The following APBB1 variants were observed in gnomAD, a reference collection of about 807,000 sequenced individuals.
APBB1 encodes the protein amyloid beta precursor protein binding family B member 1, also known as adaptor protein FE65a2.
In APBB1, 22 loss-of-function variants were observed where a neutral mutation model predicts 78.4. The observed-to-expected ratio is 0.28, with a 90% CI of 0.20 to 0.40. APBB1 has a LOEUF of 0.40. APBB1 is among the 10% of genes least tolerant of loss of function. The probability of loss-of-function intolerance (pLI) is 1.00; values close to 1 mark genes in which losing one functional copy is unlikely to be tolerated. For missense variants in APBB1, 749 were observed against 932.4 expected (o/e 0.80, Z 2.56); for synonymous variants, 369 against 372.7 (o/e 0.99, Z 0.12).
chr11:6,407,996 G>A (rs1848859720), intron 2 of APBB1, among the ~76,000 whole-genome samples: 6 of 151,546 alleles, frequency 4.0e-5, no homozygotes, highest in Admixed American at 3.9e-4. Flanking sequence ...AGCCAGTATG[G>A]TCTCGATCTC....
At chr11:6,396,326 C>A in intron 12 of APBB1, 111 bp from the exon 13 acceptor site, 3 of 875,896 alleles carry the variant, frequency 3.4e-6, no homozygotes, top group Non-Finnish European at 5.2e-6. Flanking sequence ...CCCATCCCCA[C>A]TTTGCCAGCC....
intron 12 of APBB1, among the ~76,000 whole-genome samples, chr11:6,398,674 G>C (rs1236787089): frequency 6.6e-6 from 1 of 152,192 alleles, no homozygotes; most frequent in East Asian, 1.9e-4. Context: ...AGGCGTAAGG[G>C]TCAGCATGCT....
intron 1 of APBB1, among the ~76,000 whole-genome samples, chr11:6,412,201 G>A (rs534876349): frequency 6.6e-6 from 1 of 152,302 alleles, no homozygotes; most frequent in East Asian, 1.9e-4. Flanking sequence ...TGCCCAGGCT[G>A]GAGTGCAATG....
At chr11:6,418,720 G>A (rs1174010426) in intron 1 of APBB1, among the ~76,000 whole-genome samples, 1 of 151,054 alleles carries the variant, frequency 6.6e-6, no homozygotes, top group African/African-American at 2.4e-5. Context: ...CCCTCGCTTC[G>A]CGTCCTCCAT....
chr11:6,412,334 G>T (rs1263482426), intron 1 of APBB1, among the ~76,000 whole-genome samples: 1 of 152,094 alleles, frequency 6.6e-6, no homozygotes, highest in Non-Finnish European at 1.5e-5. Flanking sequence ...TGTATTTTTA[G>T]TAGAGACGGG....
chr11:6,419,263 TC>T, upstream of APBB1: 1 of 286,642 alleles, frequency 3.5e-6, no homozygotes, highest in Non-Finnish European at 6.4e-6. Flanking sequence ...GGTCCAGCCC[TC>T]CCAGCAGACA....
rs750375143 is a variant in APBB1 at position 6,401,717 on chromosome 11, C to T, written c.1389-29G>A. On this transcript the variant is annotated intron_variant, in intron 9 of 14. Coordinates refer to ENST00000609360, the MANE Select transcript of APBB1 (RefSeq NM_001164.5). The surrounding 1 kb of genome is among the most constrained non-coding windows in gnomAD (Gnocchi z 4.5). ...TTGGGGAAGGGGCACCTCAGTGTCTCCCAGTACCATCCAGTGCTGAGCCTG... is the reference window on the plus strand; with the variant it reads ...TTGGGGAAGGGGCACCTCAGTGTCTTCCAGTACCATCCAGTGCTGAGCCTG... The T allele has an allele frequency of 1.2e-6, 2 of 1,610,986 alleles. No homozygotes were observed. The highest frequency in any genetic ancestry group is 1.7e-6 in the Non-Finnish European group (2 of 1,177,480).
intron 2 of APBB1, among the ~76,000 whole-genome samples, chr11:6,406,213 C>T (rs1018714142): frequency 3.3e-5 from 5 of 152,152 alleles, no homozygotes; most frequent in African/African-American, 7.2e-5. Flanking sequence ...TCGATTCATG[C>T]GACACTTACA....
chr11:6,405,246 T>C, intron 2 of APBB1: 1 of 1,014,038 alleles, frequency 9.9e-7, no homozygotes, highest in East Asian at 9.7e-5. Context: ...AAATAGGGTG[T>C]GGTTTCAAGG....
chr11:6,397,585 G>A (rs1264767399), intron 12 of APBB1, among the ~76,000 whole-genome samples: 1 of 152,204 alleles, frequency 6.6e-6, no homozygotes, highest in Non-Finnish European at 1.5e-5. Flanking sequence ...TTCCCTGCTG[G>A]ACTGAGAAAC....
Position 6,401,141 on chromosome 11 carries a change from A to G in APBB1, c.1589-69T>C. On this transcript the variant is annotated intron_variant, in intron 11 of 14. Transcript: ENST00000609360. This position sits in a 1 kb window ranked among gnomAD's most constrained non-coding sequence, Gnocchi z 4.5. ...TCACCCGCAGCCCCACCAGCAGGGC[A>G]TAAGCTGGACACTTGCCCAGCCGAG... is the stretch of plus-strand genomic sequence containing the variant. The G allele has an allele frequency of 6.2e-7, 1 of 1,614,004 alleles. No individual in the cohort carries two copies. The highest frequency in any genetic ancestry group is 1.1e-5 in the South Asian group (1 of 91,006).
Position 6,395,912 on chromosome 11 carries a change from G to A in APBB1, c.1839C>T (p.Ala613=), listed in dbSNP as rs567443915. ...CAAACGTGTGGACATCTCTGCCCAC[G>A]GCCAGGAAGGAGAGGAAACGCACCC... ...ECRVRFLSFL[A]VGRDVHTFAF... is the part of the protein sequence containing the mutation. The change falls in exon 14 of 15, where the codon GCC becomes GCT. Residue 613 remains alanine (A), a synonymous_variant. Transcript: ENST00000609360. This position sits in a 1 kb window ranked among gnomAD's most constrained non-coding sequence, Gnocchi z 5.2. 3.9e-5 allele frequency: 63 copies of A among 1,613,980 alleles called. 1 individual carries two copies. Among genetic ancestry groups the A allele is most frequent in the South Asian group, 2.6e-4 (24 of 91,082 alleles).
intron 2 of APBB1, among the ~76,000 whole-genome samples, chr11:6,410,045 A>G (rs955391830): frequency 4.6e-5 from 7 of 151,964 alleles, no homozygotes; most frequent in Non-Finnish European, 7.4e-5. Flanking sequence ...GACCTGTTAA[A>G]ACGGGGCAGA....
Position 6,401,967 on chromosome 11 carries a change from G to A in APBB1, c.1388+10C>T, listed in dbSNP as rs772968517. 4.5e-6 allele frequency: 7 copies of A among 1,559,068 alleles called. No individual in the cohort carries two copies. Among genetic ancestry groups the A allele is most frequent in the Non-Finnish European group, 6.1e-6 (7 of 1,153,178 alleles). ...GTCCAGGTGTAGGAGGGGGAAAATA[G>A]GCATAGTACCTCTCTCTGGGTCCAG... On this transcript the variant is annotated intron_variant, in intron 9 of 14. Coordinates refer to ENST00000609360, the MANE Select transcript of APBB1 (RefSeq NM_001164.5). This position sits in a 1 kb window ranked among gnomAD's most constrained non-coding sequence, Gnocchi z 4.5.
chr11:6,397,499 T>A (rs569556361), intron 12 of APBB1, among the ~76,000 whole-genome samples: 14 of 152,302 alleles, frequency 9.2e-5, no homozygotes, highest in African/African-American at 3.4e-4. Context: ...AGATGGGGAA[T>A]ACAAAGCAAG....
intron 1 of APBB1, among the ~76,000 whole-genome samples, chr11:6,412,533 C>T (rs534027253): frequency 1.2e-3 from 186 of 152,292 alleles, no homozygotes; most frequent in Middle Eastern, 3.4e-3. Context: ...AGGCTACCTC[C>T]GCCCCTCCTC....
rs911107689 is a variant in APBB1, at chr11:6,409,785, G to A, written c.721+842C>T. ...TCAGCTTTTCCTGTATTCGCTACAC[G>A]ACATTAGAAAATGTGGAGACTCAGC... On this transcript the variant is annotated intron_variant, in intron 2 of 14. Transcript: ENST00000609360. Among the ~76,000 whole-genome samples, 13 of 151,900 alleles carry A rather than the reference G, an allele frequency of 8.6e-5. 1 individual carries two copies. The highest frequency in any genetic ancestry group is 2.0e-4 in the Admixed American group (3 of 15,268).
chr11:6,399,810 C>T (rs975522201), intron 12 of APBB1, among the ~76,000 whole-genome samples: 4 of 152,202 alleles, frequency 2.6e-5, no homozygotes, highest in East Asian at 1.9e-4. Context: ...GCCCAGCTGT[C>T]GGCCTCATCT....
chr11:6,402,110 C>G lies in APBB1; in HGVS notation c.1354G>C (p.Val452Leu). 6.2e-7 allele frequency: 1 copy of G among 1,614,148 alleles called. No homozygotes were observed. The highest frequency in any genetic ancestry group is 8.5e-7 in the Non-Finnish European group (1 of 1,180,018). ...LHAQPIISIR[V>L]WGVGRDSGRE... ...CCACTGTCCCGCCCGACGCCCCACA[C>G]GCGGATGCTGATGATGGGTTGGGCG... The change falls in exon 8 of 15, where the codon GTG becomes CTG. Residue 452 changes from valine (V) to leucine (L), a missense_variant. By Grantham distance (32) the Val-to-Leu change is conservative. Around this residue, in one of 3 missense-constraint regions of APBB1, gnomAD observed 635 missense variants for 765.0 expected, o/e 0.83. Transcript: ENST00000609360.
Sources: gnomAD v4.1 joint callset for allele counts (sites outside exome capture counted in the v4.1 genomes callset) on GRCh38, gnomAD v4.1.1 for gene constraint, gnomAD v4.1.1 regional missense constraint, Gnocchi (gnomAD v3.1) non-coding constraint, MANE v1.5 for transcripts, NCBI Gene and HGNC (gene_info 2026-07-23, HGNC 2026-07-21) for gene names.